Variants in CCDC40 observed in about 807,000 individuals in gnomAD.
CCDC40 encodes coiled-coil domain-containing protein 40.
Under a neutral mutation model 124.5 loss-of-function variants are expected in CCDC40, and 104 were observed. That is an observed-to-expected ratio of 0.84 (90% CI 0.71 to 0.98). CCDC40 has a LOEUF of 0.98. CCDC40 is among the 50% of genes least tolerant of loss of function. CCDC40 has a pLI of 0.00. For synonymous variants in CCDC40, 580 were observed against 602.9 expected, an observed-to-expected ratio of 0.96 and a Z score of 0.56; for missense variants, 1,463 against 1,503.9, an observed-to-expected ratio of 0.97 and a Z score of 0.45.
chr17:80,039,965 G>A lies in CCDC40; in HGVS notation c.247G>A (p.Ala83Thr), dbSNP rs1568667196. 2 of 1,600,212 alleles carry A rather than the reference G, an allele frequency of 1.2e-6. No individual in the cohort carries two copies. The highest frequency in any genetic ancestry group is 2.2e-5 in the East Asian group (1 of 44,804). Residue 83 changes from alanine to threonine, a missense_variant, in exon 3 of 20, where the codon GCT (alanine) becomes ACT (threonine). Coordinates refer to ENST00000397545, the MANE Select transcript of CCDC40 (RefSeq NM_017950.4). ...AGCAGCAGTGGAAGGGGAAGAGGAGGCTGTGTCCTATGGAGATGCTGAAAG... is the reference window on the plus strand; with the variant it reads ...AGCAGCAGTGGAAGGGGAAGAGGAGACTGTGTCCTATGGAGATGCTGAAAG... ...GEAAVEGEEE[A>T]VSYGDAESEE...
chr17:80,081,777 C>T lies in CCDC40; in HGVS notation c.1794C>T (p.Ser598=). The part of the protein sequence containing the change: ...LTLQDTEDAL[S]QDQLEQMILT... The stretch of plus-strand genomic sequence containing the variant: ...TGCAGGACACAGAGGATGCCCTCAG[C>T]CAGGACCAGCTGGTGAGGCCGGGCC... The change falls in exon 11 of 20, where the codon AGC becomes AGT. Residue 598 remains serine, a synonymous_variant. Coordinates refer to ENST00000397545, the MANE Select transcript of CCDC40 (RefSeq NM_017950.4). The T allele has an allele frequency of 6.2e-7, 1 of 1,613,950 alleles. No homozygotes were observed.
rs1485851817 is a variant in CCDC40, at chr17:80,044,704, A to AT, written c.553-2575_553-2574insT. Reference sequence around the variant, plus strand: ...TCTCAAAAACAAAACAAAACAAACAAACAAAAAAAAAAATATATATATATA... The same window carrying AT: ...TCTCAAAAACAAAACAAAACAAACAATACAAAAAAAAAAATATATATATATA... On this transcript the variant is annotated intron_variant, in intron 3 of 19. Coordinates refer to ENST00000397545, the MANE Select transcript of CCDC40 (RefSeq NM_017950.4). 1.1e-4 allele frequency among the ~76,000 whole-genome samples: 4 copies of AT among 37,228 alleles called. 1 individual carries two copies. Among genetic ancestry groups the AT allele is most frequent in the African/African-American group, 3.2e-4 (4 of 12,634 alleles). 24.4% of individuals were successfully genotyped at this position (37,228 alleles called of 152,430 possible).
chr17:80,036,813 C>A, intron 1 of CCDC40, 122 bp downstream of exon 1: 2 of 905,176 alleles, frequency 2.2e-6, no homozygotes, highest in Non-Finnish European at 3.1e-6. Context: ...CCCTTCCTCT[C>A]GCCTGTGTCC....
Position 80,047,302 on chromosome 17 carries a change from G to A in CCDC40, c.576G>A (p.Gln192=), listed in dbSNP as rs768237787. 1 of 1,613,964 alleles carries A rather than the reference G, an allele frequency of 6.2e-7. No homozygotes were observed. The highest frequency in any genetic ancestry group is 1.7e-5 in the Admixed American group (1 of 60,028). Residue 192 remains glutamine (Q), a synonymous_variant, in exon 4 of 20, where the codon CAG becomes CAA. Coordinates refer to ENST00000397545, the MANE Select transcript of CCDC40 (RefSeq NM_017950.4). ...GRLTGSTEEP[Q]GQVLPMGVQH... is the part of the protein sequence containing the mutation. ...AGACAGGATCCACAGAGGAGCCCCA[G>A]GGGCAGGTGCTCCCAATGGGCGTCC...
At position 80,073,856 on chromosome 17, in the gene CCDC40, C is replaced by T. The variant is rs961170349; in HGVS notation, c.1563-7690C>T. Among the ~76,000 whole-genome samples the T allele has an allele frequency of 6.6e-5, 10 of 151,132 alleles. 1 individual carries two copies. Among genetic ancestry groups the T allele is most frequent in the East Asian group, 5.8e-4 (3 of 5,166 alleles). ...GATTGCAGGTGCCTGCCACCGTGCC[C>T]GGCTAATTTTTGTATGTTAGTAGAG... On this transcript the variant is annotated intron_variant, in intron 10 of 19. Coordinates refer to ENST00000397545, the MANE Select transcript of CCDC40 (RefSeq NM_017950.4).
In CCDC40 at chr17:80,090,413, CACACA is replaced by C. The variant is rs2038700772; in HGVS notation, c.2832+530_2832+534del. 4 of 846,230 alleles carry C rather than the reference CACACA, an allele frequency of 4.7e-6. No individual in the cohort carries two copies. In the East Asian group the frequency reaches 1.3e-4, roughly 27 times the overall value. The allele number at this position is 846,230 out of a possible 1,614,324, so 52.4% of individuals were successfully genotyped here. ...GCACGTGCATGAACAACACAGGACA[CACACA>C]GCACGTGCATGAACAACACAGGACA... On this transcript the variant is annotated intron_variant, in intron 17 of 19. Transcript: ENST00000397545.
intron 3 of CCDC40, among the ~76,000 whole-genome samples, chr17:80,044,711 A>C (rs201220747): frequency 0.022 from 1,316 of 60,846 alleles, 27 homozygotes; most frequent in East Asian, 0.047. Context: ...ACAAACAAAA[A>C]AAAAAATATA....
intron 1 of CCDC40, among the ~76,000 whole-genome samples, chr17:80,037,688 A>AAAAAATATATATATAT: frequency 1.9e-3 from 89 of 45,694 alleles, no homozygotes; most frequent in African/African-American, 5.0e-3. Flanking sequence ...TTTTTTAAAA[A>AAAAAATATATATATAT]AGATATACAT....
chr17:80,088,619 C>T (rs1488506313), intron 16 of CCDC40, among the ~76,000 whole-genome samples: 1 of 152,188 alleles, frequency 6.6e-6, no homozygotes, highest in Non-Finnish European at 1.5e-5. Flanking sequence ...CAAGACGGGG[C>T]AACACAGTGA....
At chr17:80,039,765 T>G in intron 2 of CCDC40, 47 bp from the exon 3 acceptor site, 2 of 1,601,784 alleles carry the variant, frequency 1.2e-6, no homozygotes, top group Non-Finnish European at 1.7e-6. Context: ...CCTCACAAGG[T>G]CCTTTATACT....
chr17:80,071,830 G>GC (rs1308629994), intron 10 of CCDC40, among the ~76,000 whole-genome samples: 150 of 102,238 alleles, frequency 1.5e-3, no homozygotes, highest in Non-Finnish European at 2.6e-3. Flanking sequence ...GGGTTTTTCA[G>GC]CTTTTTTTTT....
At chr17:80,059,231 C>T (rs1368916658) in intron 9 of CCDC40, among the ~76,000 whole-genome samples, 4 of 152,192 alleles carry the variant, frequency 2.6e-5, no homozygotes, top group Admixed American at 6.5e-5. Context: ...GTACTCTAGT[C>T]GCTTCATGAC....
rs573158056 is a variant in CCDC40, at chr17:80,066,147, G to A, written c.1562+541G>A. On this transcript the variant is annotated intron_variant, in intron 10 of 19. Transcript: ENST00000397545. The surrounding 1 kb of genome is among the most constrained non-coding windows in gnomAD (Gnocchi z 4.4). ...ACCCAGGGTGACCAGGTCTCGGGACGCGGAAAGAAAAAGCCGGGCACTGTG... is the reference window on the plus strand; with the variant it reads ...ACCCAGGGTGACCAGGTCTCGGGACACGGAAAGAAAAAGCCGGGCACTGTG... 1.1e-4 allele frequency: 80 copies of A among 702,980 alleles called. 1 individual carries two copies. The highest frequency in any genetic ancestry group is 1.1e-3 in the South Asian group (76 of 67,598). 43.5% of individuals were successfully genotyped at this position (702,980 alleles called of 1,614,324 possible).
intron 10 of CCDC40, among the ~76,000 whole-genome samples, chr17:80,072,438 GCA>G (rs372687367): frequency 5.9e-5 from 9 of 152,184 alleles, no homozygotes; most frequent in South Asian, 2.1e-4. Flanking sequence ...GAGTTCTGTT[GCA>G]CAGTTTGTAA....
At chr17:80,094,327 G>C (rs2038768820) in intron 17 of CCDC40, among the ~76,000 whole-genome samples, 2 of 151,516 alleles carry the variant, frequency 1.3e-5, no homozygotes, top group African/African-American at 4.9e-5. Context: ...CAGGAGAATT[G>C]CTTGAATCTG....
chr17:80,097,437 G>A (rs756690930), intron 19 of CCDC40, 34 bp downstream of exon 19: 20 of 1,612,356 alleles, frequency 1.2e-5, no homozygotes, highest in South Asian at 6.6e-5. Context: ...TGGGGATGAC[G>A]GCCATGGAAC....
Position 80,058,578 on chromosome 17 carries a change from T to G in CCDC40, c.1244T>G (p.Ile415Ser). The G allele has an allele frequency of 6.2e-7, 1 of 1,614,058 alleles. No homozygotes were observed. Among genetic ancestry groups the G allele is most frequent in the Non-Finnish European group, 8.5e-7 (1 of 1,179,986 alleles). Residue 415 changes from isoleucine (I) to serine (S), a missense_variant, in exon 8 of 20, where the codon ATC becomes AGC. Physicochemically the swap from Ile to Ser is moderately radical, Grantham distance 142. Transcript: ENST00000397545. The surrounding 1 kb of genome is among the most constrained non-coding windows in gnomAD (Gnocchi z 4.2). The part of the protein sequence containing the change: ...QNIDQDMRDD[I>S]RVMTQVVKKA... ...ATCGACCAGGACATGCGTGACGACA[T>G]CCGCGTGATGACACAAGTGGTAAAG...
rs567366927 is a variant in CCDC40, at chr17:80,099,322, A to G, written c.3181-205A>G. Among the ~76,000 whole-genome samples, 14 of 151,402 alleles carry G rather than the reference A, an allele frequency of 9.2e-5. No individual in the cohort carries two copies. The East Asian group carries it at 2.5e-3, about 27-fold the overall frequency. The stretch of plus-strand genomic sequence containing the variant: ...AAAAAAGAATGCCTCCTAGATGGTG[A>G]TGATGGGTGACCCATAAAGCACCGA... On this transcript the variant is annotated intron_variant, in intron 19 of 19. Coordinates refer to ENST00000397545, the MANE Select transcript of CCDC40 (RefSeq NM_017950.4).
At chr17:80,074,733 C>G (rs1195455283) in intron 10 of CCDC40, among the ~76,000 whole-genome samples, 1 of 152,060 alleles carries the variant, frequency 6.6e-6, no homozygotes, top group East Asian at 1.9e-4. Flanking sequence ...ATTCTGCAAC[C>G]CATGGGTTGA....
Sources: gnomAD v4.1 joint callset for allele counts (sites outside exome capture counted in the v4.1 genomes callset) on GRCh38, gnomAD v4.1.1 for gene constraint, Gnocchi (gnomAD v3.1) non-coding constraint, MANE v1.5 for transcripts, NCBI Gene and HGNC (gene_info 2026-07-23, HGNC 2026-07-21) for gene names.